GNAZ: variants seen among roughly 807,000 people sequenced by gnomAD.
GNAZ encodes the protein guanine nucleotide-binding protein G(z) subunit alpha.
Under a neutral mutation model 25.4 loss-of-function variants are expected in GNAZ, and 3 were observed. The ratio of observed to expected loss-of-function variants is 0.12; its 90% confidence interval spans 0.05 to 0.30. The LOEUF (loss-of-function observed/expected upper bound fraction) is 0.30, where lower values mean the gene tolerates loss of function less well. Ranked by LOEUF, GNAZ falls within the 10% of genes least tolerant of loss-of-function variation. GNAZ has a pLI of 1.00. For missense variants in GNAZ, 241 were observed against 501.8 expected (o/e 0.48, Z 4.97); for synonymous variants, 211 against 205.7 (o/e 1.03, Z -0.22).
At chr22:23,073,370 A>G (rs2146245716) in intron 1 of GNAZ, among the ~76,000 whole-genome samples, 1 of 152,370 alleles carries the variant, frequency 6.6e-6, no homozygotes, top group East Asian at 1.9e-4. Context: ...AGCAGAGGCT[A>G]TGCTGCGGCC....
At chr22:23,074,146 C>T (rs1352636070) in intron 1 of GNAZ, among the ~76,000 whole-genome samples, 1 of 152,112 alleles carries the variant, frequency 6.6e-6, no homozygotes, top group Non-Finnish European at 1.5e-5. Flanking sequence ...AAGACCTTGG[C>T]AGGGTTGGAG....
chr22:23,119,972 C>T (rs1174744700), intron 2 of GNAZ, among the ~76,000 whole-genome samples: 1 of 152,196 alleles, frequency 6.6e-6, no homozygotes, highest in African/African-American at 2.4e-5. Flanking sequence ...GCCTGAAATG[C>T]CTGCAAAGCA....
At chr22:23,096,601 T>C (rs1040851422) in intron 2 of GNAZ, among the ~76,000 whole-genome samples, 183 bp downstream of exon 2, 13 of 151,728 alleles carry the variant, frequency 8.6e-5, no homozygotes, top group Non-Finnish European at 1.2e-4. Context: ...GGGTGTGGAG[T>C]GCAGGTGTCA....
chr22:23,115,819 T>C (rs1323918992), intron 2 of GNAZ, among the ~76,000 whole-genome samples: 1 of 152,246 alleles, frequency 6.6e-6, no homozygotes, highest in African/African-American at 2.4e-5. Flanking sequence ...GATTGCTCAC[T>C]TCAGGAAATT....
At chr22:23,100,022 A>G (rs964792423) in intron 2 of GNAZ, among the ~76,000 whole-genome samples, 5 of 152,244 alleles carry the variant, frequency 3.3e-5, no homozygotes, top group Non-Finnish European at 5.9e-5. Flanking sequence ...TCATGTGGAA[A>G]CCCACAGGGA....
At chr22:23,084,053 T>C (rs1203126905) in intron 1 of GNAZ, among the ~76,000 whole-genome samples, 1 of 152,108 alleles carries the variant, frequency 6.6e-6, no homozygotes, top group Non-Finnish European at 1.5e-5. Flanking sequence ...AGGGGTGAGC[T>C]ATGCAGGCGA....
At chr22:23,081,187 A>G (rs1359755763) in intron 1 of GNAZ, among the ~76,000 whole-genome samples, 1 of 152,186 alleles carries the variant, frequency 6.6e-6, no homozygotes, top group Non-Finnish European at 1.5e-5. Context: ...AAGGAGTATA[A>G]CAGCCTAAAG....
At chr22:23,107,870 C>T (rs116798636) in intron 2 of GNAZ, among the ~76,000 whole-genome samples, 250 of 152,282 alleles carry the variant, frequency 1.6e-3, no homozygotes, top group African/African-American at 5.6e-3. Flanking sequence ...ACCCATTGAC[C>T]GACGAAGCCA....
chr22:23,076,630 C>T (rs2068512749), intron 1 of GNAZ, among the ~76,000 whole-genome samples: 1 of 152,246 alleles, frequency 6.6e-6, no homozygotes, highest in Admixed American at 6.5e-5. Context: ...CTCGGGCTGA[C>T]GCCGGGCCAC....
intron 1 of GNAZ, among the ~76,000 whole-genome samples, chr22:23,084,041 G>A (rs2068749236): frequency 6.6e-6 from 1 of 152,180 alleles, no homozygotes; most frequent in South Asian, 2.1e-4. Flanking sequence ...TAACAAGGAG[G>A]GAGGGGTGAG....
At chr22:23,082,736 C>G (rs2068717441) in intron 1 of GNAZ, among the ~76,000 whole-genome samples, 1 of 151,988 alleles carries the variant, frequency 6.6e-6, no homozygotes, top group South Asian at 2.1e-4. Context: ...GGAGCCCCAG[C>G]CCACCCAAGC....
intron 2 of GNAZ, among the ~76,000 whole-genome samples, chr22:23,120,809 C>T (rs975119539): frequency 3.9e-5 from 6 of 152,180 alleles, no homozygotes; most frequent in African/African-American, 1.4e-4. Flanking sequence ...CCTCAAGCTC[C>T]ATCACCTGGC....
At chr22:23,110,891 C>A (rs1050813851) in intron 2 of GNAZ, among the ~76,000 whole-genome samples, 2 of 152,190 alleles carry the variant, frequency 1.3e-5, no homozygotes, top group African/African-American at 4.8e-5. Flanking sequence ...CAACTCAGGC[C>A]TCCCTGCCCA....
chr22:23,122,893 G>C (rs1037203808), intron 2 of GNAZ, among the ~76,000 whole-genome samples, 194 bp from the exon 3 acceptor site: 1 of 152,212 alleles, frequency 6.6e-6, no homozygotes, highest in Admixed American at 6.5e-5. Flanking sequence ...TGGCAAGGAG[G>C]GTGCTGCCGG....
rs2068373856 is a variant in GNAZ, at chr22:23,071,474, CCTGACCGGCTCCTTT to C, written c.-450+908_-450+922del. Among the ~76,000 whole-genome samples the C allele has an allele frequency of 6.6e-6, 1 of 152,218 alleles. No homozygotes were observed. Among genetic ancestry groups the C allele is most frequent in the Non-Finnish European group, 1.5e-5 (1 of 68,032 alleles). On this transcript the variant is annotated intron_variant, in intron 1 of 2. Transcript: ENST00000615612. This position sits in a 1 kb window ranked among gnomAD's most constrained non-coding sequence, Gnocchi z 4.1. Reference sequence around the variant, plus strand: ...TCTTGCTTGGGGAGACAGCTGAGCCCCTGACCGGCTCCTTTCTGCCCAAGTGATTTCCCTGCCCTG... The same window carrying C: ...TCTTGCTTGGGGAGACAGCTGAGCCCCTGCCCAAGTGATTTCCCTGCCCTG...
intron 2 of GNAZ, among the ~76,000 whole-genome samples, chr22:23,098,824 G>C (rs1029957763): frequency 6.6e-6 from 1 of 152,262 alleles, no homozygotes; most frequent in African/African-American, 2.4e-5. Context: ...CTGGCCCCCA[G>C]AGTGGTGCCG....
At chr22:23,098,930 C>A (rs983514954) in intron 2 of GNAZ, among the ~76,000 whole-genome samples, 1 of 152,248 alleles carries the variant, frequency 6.6e-6, no homozygotes, top group Non-Finnish European at 1.5e-5. Flanking sequence ...CCTTTTGGAA[C>A]GTGCTGAACT....
At chr22:23,088,223 A>G (rs6519411) in intron 1 of GNAZ, among the ~76,000 whole-genome samples, 53,168 of 152,060 alleles carry the variant, frequency 0.35, 10,252 homozygotes, top group African/African-American at 0.52. Flanking sequence ...TATATGAACC[A>G]TCTACACGCC....
At chr22:23,120,711 GC>G (rs2069995093) in intron 2 of GNAZ, among the ~76,000 whole-genome samples, 2 of 151,808 alleles carry the variant, frequency 1.3e-5, no homozygotes, top group South Asian at 4.2e-4. Flanking sequence ...GCCAGATCAC[GC>G]CCTTCCCAAC....
Sources: gnomAD v4.1 joint callset for allele counts (sites outside exome capture counted in the v4.1 genomes callset) on GRCh38, gnomAD v4.1.1 for gene constraint, Gnocchi (gnomAD v3.1) non-coding constraint, MANE v1.5 for transcripts, NCBI Gene and HGNC (gene_info 2026-07-23, HGNC 2026-07-21) for gene names.